The following ARHGEF10L variants were observed in gnomAD, a reference collection of about 807,000 sequenced individuals.
ARHGEF10L encodes Rho guanine nucleotide exchange factor 10 like.
In ARHGEF10L, 69 loss-of-function variants were observed where a neutral mutation model predicts 141.2. That is an observed-to-expected ratio of 0.49 (90% confidence interval 0.40 to 0.60). The LOEUF (loss-of-function observed/expected upper bound fraction) is 0.60, where lower values mean the gene tolerates loss of function less well. Ranked by LOEUF, ARHGEF10L falls within the 20% of genes least tolerant of loss-of-function variation. The pLI, the probability that ARHGEF10L is intolerant of heterozygous loss-of-function variation, is 0.00. For synonymous variants in ARHGEF10L, 711 were observed against 718.5 expected, an observed-to-expected ratio of 0.99 and a Z score of 0.17; for missense variants, 1,482 against 1,734.3, an observed-to-expected ratio of 0.85 and a Z score of 2.58.
chr1:17,634,036 T>C (rs2060853872), intron 16 of ARHGEF10L, among the ~76,000 whole-genome samples: 3 of 152,114 alleles, frequency 2.0e-5, no homozygotes, highest in Admixed American at 1.3e-4. Flanking sequence ...CAGGGCCTGG[T>C]TGGGGACTCA....
the ARHGEF10L span, among the ~76,000 whole-genome samples, chr1:17,530,754 G>A: frequency 2.6e-5 from 4 of 152,166 alleles, no homozygotes; most frequent in South Asian, 2.1e-4. Context: ...GGTGGCTCAC[G>A]CCTGTAATCC....
intron 6 of ARHGEF10L, among the ~76,000 whole-genome samples, chr1:17,606,518 T>C (rs1457655918): frequency 6.6e-6 from 1 of 151,848 alleles, no homozygotes; most frequent in Non-Finnish European, 1.5e-5. Context: ...GGTCTTGAAC[T>C]CCTGACCTCA....
intron 1 of ARHGEF10L, among the ~76,000 whole-genome samples, chr1:17,559,995 C>G (rs1025563127): frequency 3.9e-5 from 6 of 152,104 alleles, no homozygotes; most frequent in African/African-American, 1.4e-4. Flanking sequence ...AGATTTGGTT[C>G]ACAAGCAGGT....
intron 26 of ARHGEF10L, among the ~76,000 whole-genome samples, chr1:17,686,034 C>T (rs1410125628): frequency 6.6e-6 from 1 of 152,134 alleles, no homozygotes; most frequent in African/African-American, 2.4e-5. Context: ...TCCCCTGTCC[C>T]GCTTCTTCCC....
At chr1:17,557,494 G>T (rs765858698) in intron 1 of ARHGEF10L, among the ~76,000 whole-genome samples, 6 of 152,196 alleles carry the variant, frequency 3.9e-5, no homozygotes. Flanking sequence ...CCACACACTG[G>T]TGTGTCCCAA....
rs201343941 is a variant in ARHGEF10L at position 17,623,014 on chromosome 1, A to G, written c.1039A>G (p.Met347Val). 1 of 1,613,340 alleles carries G rather than the reference A, an allele frequency of 6.2e-7. No individual in the cohort carries two copies. Among genetic ancestry groups the G allele is most frequent in the Non-Finnish European group, 8.5e-7 (1 of 1,179,838 alleles). Reference sequence around the variant, plus strand: ...CCGGCAGGACTACCGCAACCCCCTGATGGAGATGGAGCCCAAGGCGCTGAG... The same window carrying G: ...CCGGCAGGACTACCGCAACCCCCTGGTGGAGATGGAGCCCAAGGCGCTGAG... ...RILQDYRNPL[M>V]EMEPKALSAR... The change falls in exon 12 of 29, where the codon ATG (methionine) becomes GTG (valine). Residue 347 changes from methionine to valine, a missense_variant. Coordinates refer to ENST00000361221, the MANE Select transcript of ARHGEF10L (RefSeq NM_018125.4). This position sits in a 1 kb window ranked among gnomAD's most constrained non-coding sequence, Gnocchi z 4.7.
At position 17,621,837 on chromosome 1, in the gene ARHGEF10L, G is replaced by A. The variant is rs747312138; in HGVS notation, c.943-27G>A. The A allele has an allele frequency of 3.5e-5, 55 of 1,562,918 alleles. No individual in the cohort carries two copies. The highest frequency in any genetic ancestry group is 5.9e-5 in the African/African-American group (4 of 68,292). On this transcript the variant is annotated intron_variant, in intron 10 of 28. Transcript: ENST00000361221. This position sits in a 1 kb window ranked among gnomAD's most constrained non-coding sequence, Gnocchi z 4.1. The stretch of plus-strand genomic sequence containing the variant: ...GCCCTGTGCAGCAGGTGTCATGTGC[G>A]CTGACCGTGCTTTTTGGCCCGAGCA...
At chr1:17,524,792 G>A in the ARHGEF10L span, among the ~76,000 whole-genome samples, 5 of 152,140 alleles carry the variant, frequency 3.3e-5, no homozygotes, top group Non-Finnish European at 7.3e-5. Context: ...CGGGGAATGG[G>A]ACTCTCCCAG....
chr1:17,524,364 TACACACACACACACAC>T, the ARHGEF10L span, among the ~76,000 whole-genome samples: 710 of 116,058 alleles, frequency 6.1e-3, 3 homozygotes, highest in African/African-American at 0.014. Flanking sequence ...ACCCCGTCTC[TACACACACACACACAC>T]ACACACACAC....
intron 27 of ARHGEF10L, among the ~76,000 whole-genome samples, chr1:17,688,120 C>A (rs970658913): frequency 3.3e-5 from 5 of 152,212 alleles, no homozygotes; most frequent in African/African-American, 1.2e-4. Flanking sequence ...CCTCAAATGC[C>A]CTGCAGGATG....
At chr1:17,565,216 C>T (rs2077701322) in intron 1 of ARHGEF10L, among the ~76,000 whole-genome samples, 2 of 152,192 alleles carry the variant, frequency 1.3e-5, no homozygotes, top group Admixed American at 1.3e-4. Context: ...CACGAGGGCT[C>T]TACCCTCATG....
Position 17,655,995 on chromosome 1 carries a change from T to C in ARHGEF10L, c.2598T>C (p.Tyr866=). 7 of 1,571,330 alleles carry C rather than the reference T, an allele frequency of 4.5e-6. No individual in the cohort carries two copies. The highest frequency in any genetic ancestry group is 6.0e-6 in the Non-Finnish European group (7 of 1,157,304). The part of the protein sequence containing the change: ...PLAAPVLCME[Y]IPELEEEAES... ...CAGCCCCTGTGCTCTGCATGGAGTA[T>C]ATCCCGGAGCTGGAGGAGGAGGCGG... is the stretch of plus-strand genomic sequence containing the variant. The change falls in exon 24 of 29, where the codon TAT becomes TAC. Residue 866 remains tyrosine, a synonymous_variant. Transcript: ENST00000361221.
intron 28 of ARHGEF10L, among the ~76,000 whole-genome samples, chr1:17,696,161 C>A (rs1017063433): frequency 6.8e-6 from 1 of 146,256 alleles, no homozygotes; most frequent in African/African-American, 2.5e-5. Context: ...TGCAGTGAGC[C>A]GAGATTGCGC....
chr1:17,682,849 A>C (rs1431433102), intron 26 of ARHGEF10L, among the ~76,000 whole-genome samples: 1 of 152,162 alleles, frequency 6.6e-6, no homozygotes, highest in Non-Finnish European at 1.5e-5. Context: ...AGACCAGCCA[A>C]GGATGAGGGC....
chr1:17,574,001 G>A (rs746114718), intron 1 of ARHGEF10L, among the ~76,000 whole-genome samples: 4 of 152,140 alleles, frequency 2.6e-5, no homozygotes, highest in African/African-American at 9.7e-5. Flanking sequence ...CCCCCACCTC[G>A]GGAAGCCCTT....
intron 2 of ARHGEF10L, among the ~76,000 whole-genome samples, chr1:17,583,070 A>T (rs2078716402): frequency 6.6e-6 from 1 of 150,948 alleles, no homozygotes; most frequent in Admixed American, 6.6e-5. Context: ...AAAAAAAAAA[A>T]AAATAGCTGG....
At chr1:17,642,180 G>C (rs997276714) in intron 21 of ARHGEF10L, among the ~76,000 whole-genome samples, 4 of 152,124 alleles carry the variant, frequency 2.6e-5, no homozygotes, top group Admixed American at 2.6e-4. Context: ...GAGCAAATCT[G>C]CAAGCAGGTG....
intron 20 of ARHGEF10L, 189 bp from the exon 21 acceptor site, chr1:17,640,013 G>C: frequency 6.8e-7 from 1 of 1,472,740 alleles, no homozygotes; most frequent in Non-Finnish European, 9.0e-7. Context: ...TGTGGGCGGA[G>C]GGATTCCTCC....
rs1049497944 is a variant in ARHGEF10L at position 17,644,214 on chromosome 1, C to G, written c.2272+3912C>G. 6.6e-6 allele frequency among the ~76,000 whole-genome samples: 1 copy of G among 152,244 alleles called. No homozygotes were observed. Among genetic ancestry groups the G allele is most frequent in the Non-Finnish European group, 1.5e-5 (1 of 68,040 alleles). ...AGGGCTGGGCCCTCCCTTGCTGCCT[C>G]TCATTTGGTTTAGTTTTCCGGCCCA... On this transcript the variant is annotated intron_variant, in intron 21 of 28. Transcript: ENST00000361221. The surrounding 1 kb of genome is among the most constrained non-coding windows in gnomAD (Gnocchi z 4.5).
Sources: gnomAD v4.1 joint callset for allele counts (sites outside exome capture counted in the v4.1 genomes callset) on GRCh38, gnomAD v4.1.1 for gene constraint, Gnocchi (gnomAD v3.1) non-coding constraint, MANE v1.5 for transcripts, NCBI Gene and HGNC (gene_info 2026-07-23, HGNC 2026-07-21) for gene names.